Variants in DYM observed in about 807,000 individuals in gnomAD.
The protein encoded by DYM is dyggve-Melchior-Clausen syndrome protein.
In DYM, 78 loss-of-function variants were observed where a neutral mutation model predicts 93.1. The ratio of observed to expected loss-of-function variants is 0.84; its 90% CI spans 0.70 to 1.01. The LOEUF is 1.01. Among genes scored for constraint, DYM ranks in the 50% least tolerant of loss-of-function variants. The probability of loss-of-function intolerance (pLI) is 0.00; values close to 1 mark genes in which losing one functional copy is unlikely to be tolerated. For missense variants in DYM, 789 were observed against 845.0 expected, an observed-to-expected ratio of 0.93 and a Z score of 0.82; for synonymous variants, 321 against 319.7, an observed-to-expected ratio of 1.00 and a Z score of -0.04.
intron 17 of DYM, among the ~76,000 whole-genome samples, chr18:49,054,934 G>C (rs1296342209): frequency 6.6e-6 from 1 of 152,236 alleles, no homozygotes; most frequent in Non-Finnish European, 1.5e-5. Context: ...CGTATCATTG[G>C]CTAGAACTGG....
intron 16 of DYM, among the ~76,000 whole-genome samples, chr18:49,098,463 T>C (rs1011865503): frequency 2.0e-5 from 3 of 152,236 alleles, no homozygotes; most frequent in East Asian, 1.9e-4. Flanking sequence ...AAGTACACTA[T>C]ATTACATAAA....
chr18:49,414,330 C>T (rs112468119), intron 2 of DYM, among the ~76,000 whole-genome samples: 144 of 151,252 alleles, frequency 9.5e-4, no homozygotes, highest in African/African-American at 3.3e-3. Flanking sequence ...GAGGACCAGA[C>T]GAAAAAACAA....
At position 49,376,963 on chromosome 18, in the gene DYM, C is replaced by T. The variant is rs76858154; in HGVS notation, c.421+1604G>A. Among the ~76,000 whole-genome samples, 597 of 152,246 alleles carry T rather than the reference C, an allele frequency of 3.9e-3. 3 individuals are homozygous for T. Among genetic ancestry groups the T allele is most frequent in the African/African-American group, 0.014 (578 of 41,534 alleles). On this transcript the variant is annotated intron_variant, in intron 5 of 17. Transcript: ENST00000675505. ...CCTAAAGAAGGATGAAATGACTGTC[C>T]TAAGTTGCTCAACAGTATGTGTAGA...
chr18:49,355,795 T>C (rs1200014340), intron 6 of DYM, among the ~76,000 whole-genome samples: 1 of 152,004 alleles, frequency 6.6e-6, no homozygotes, highest in Non-Finnish European at 1.5e-5. Flanking sequence ...CTCTCAAAAC[T>C]AAATGTAAAA....
intron 6 of DYM, among the ~76,000 whole-genome samples, chr18:49,358,601 T>C (rs898258217): frequency 3.3e-5 from 5 of 152,308 alleles, no homozygotes; most frequent in Admixed American, 1.3e-4. Flanking sequence ...TTGACAAATC[T>C]GCAAATCAGG....
chr18:49,436,332 C>A (rs2080864527), intron 1 of DYM, among the ~76,000 whole-genome samples: 1 of 152,102 alleles, frequency 6.6e-6, no homozygotes, highest in Non-Finnish European at 1.5e-5. Context: ...TAAATTATTT[C>A]TTTCAGATTT....
chr18:49,292,624 AACCCC>A lies in DYM; in HGVS notation c.764-6013_764-6009del, dbSNP rs1568189088. Among the ~76,000 whole-genome samples, 35 of 65,008 alleles carry A rather than the reference AACCCC, an allele frequency of 5.4e-4. 8 individuals carry two copies. The highest frequency in any genetic ancestry group is 1.1e-3 in the South Asian group (2 of 1,874). The allele number at this position is 65,008 out of a possible 152,430, so 42.6% of individuals were successfully genotyped here. On this transcript the variant is annotated intron_variant, in intron 8 of 17. Coordinates refer to ENST00000675505, the MANE Select transcript of DYM (RefSeq NM_001353214.3). ...AAAAAAAAAAAAAAAAAAAAAAAAA[AACCCC>A]CACAAAAACCTGTCCACCAGAAAAA... is the stretch of plus-strand genomic sequence containing the variant.
chr18:49,292,624 A>AAAAAAC lies in DYM; in HGVS notation c.764-6009_764-6008insGTTTTT, dbSNP rs1568189068. ...AAAAAAAAAAAAAAAAAAAAAAAAA[A>AAAAAAC]ACCCCCACAAAAACCTGTCCACCAG... On this transcript the variant is annotated intron_variant, in intron 8 of 17. Coordinates refer to ENST00000675505, the MANE Select transcript of DYM (RefSeq NM_001353214.3). 3.5e-4 allele frequency among the ~76,000 whole-genome samples: 23 copies of AAAAAAC among 65,052 alleles called. 2 individuals carry two copies. The South Asian group carries it at 5.3e-3, about 15-fold the overall frequency. 42.7% of individuals were successfully genotyped at this position (65,052 alleles called of 152,430 possible).
chr18:49,256,703 G>A (rs1359444344), intron 13 of DYM, among the ~76,000 whole-genome samples: 2 of 152,086 alleles, frequency 1.3e-5, no homozygotes, highest in African/African-American at 2.4e-5. Context: ...TATAAAATGC[G>A]CATCAAATAC....
intron 5 of DYM, among the ~76,000 whole-genome samples, chr18:49,365,083 T>C (rs1016731823): frequency 4.6e-5 from 7 of 152,104 alleles, no homozygotes; most frequent in African/African-American, 1.7e-4. Context: ...CTCAATACAA[T>C]TTGCTGAACT....
At chr18:49,213,066 G>T (rs976351448) in intron 13 of DYM, among the ~76,000 whole-genome samples, 5 of 152,130 alleles carry the variant, frequency 3.3e-5, no homozygotes, top group African/African-American at 1.2e-4. Context: ...AAATGTCCAA[G>T]ATTGTGCAAT....
intron 1 of DYM, among the ~76,000 whole-genome samples, chr18:49,437,220 C>T (rs2148531721): frequency 6.6e-6 from 1 of 152,322 alleles, no homozygotes; most frequent in East Asian, 1.9e-4. Context: ...CATCATTCCA[C>T]AGACATTCTG....
intron 15 of DYM, among the ~76,000 whole-genome samples, chr18:49,145,451 T>A (rs951002533): frequency 1.3e-5 from 2 of 152,116 alleles, no homozygotes; most frequent in Non-Finnish European, 2.9e-5. Context: ...AAAACATTTA[T>A]GGAGTTCTTA....
At chr18:49,410,222 T>C (rs1180070735) in intron 2 of DYM, among the ~76,000 whole-genome samples, 1 of 152,076 alleles carries the variant, frequency 6.6e-6, no homozygotes, top group Non-Finnish European at 1.5e-5. Context: ...TGTGCCACCA[T>C]GCCCAGCAAA....
chr18:49,292,327 GGC>G lies in DYM; in HGVS notation c.764-5713_764-5712del, dbSNP rs1419576893. On this transcript the variant is annotated intron_variant, in intron 8 of 17. Transcript: ENST00000675505. The stretch of plus-strand genomic sequence containing the variant: ...AGACAGACAGACAGGCAGGCAGGCA[GGC>G]AGGCAGGCAGACAGACAGACAGACA... 8.3e-5 allele frequency among the ~76,000 whole-genome samples: 7 copies of G among 84,444 alleles called. No homozygotes were observed. In the East Asian group the frequency reaches 1.6e-3, roughly 19 times the overall value. 55.4% of individuals were successfully genotyped at this position (84,444 alleles called of 152,430 possible).
intron 1 of DYM, among the ~76,000 whole-genome samples, chr18:49,438,107 G>A (rs1472751544): frequency 6.6e-6 from 1 of 152,164 alleles, no homozygotes; most frequent in Non-Finnish European, 1.5e-5. Flanking sequence ...CCAGGAGTTC[G>A]ACGCTGCAGT....
chr18:49,222,814 C>G (rs1598740652), intron 13 of DYM, among the ~76,000 whole-genome samples: 1 of 152,260 alleles, frequency 6.6e-6, no homozygotes, highest in African/African-American at 2.4e-5. Flanking sequence ...CAGAAAAACT[C>G]TATGTCACAA....
chr18:49,356,417 G>A (rs1359831440), intron 6 of DYM, among the ~76,000 whole-genome samples: 3 of 151,998 alleles, frequency 2.0e-5, no homozygotes, highest in South Asian at 2.1e-4. Flanking sequence ...TGATTCAATC[G>A]ATGCCTTAAA....
At chr18:49,217,239 A>G (rs2093110143) in intron 13 of DYM, among the ~76,000 whole-genome samples, 1 of 152,244 alleles carries the variant, frequency 6.6e-6, no homozygotes, top group African/African-American at 2.4e-5. Flanking sequence ...AGCCTTCAAG[A>G]AATATGGGAC....
Sources: gnomAD v4.1 joint callset for allele counts (sites outside exome capture counted in the v4.1 genomes callset) on GRCh38, gnomAD v4.1.1 for gene constraint, MANE v1.5 for transcripts, NCBI Gene and HGNC (gene_info 2026-07-23, HGNC 2026-07-21) for gene names.